Variants in ZP2 observed in about 807,000 individuals in gnomAD.
The protein encoded by ZP2 is zona pellucida sperm-binding protein 2.
Under a neutral mutation model 84.0 loss-of-function variants are expected in ZP2, and 51 were observed. The observed-to-expected ratio is 0.61, with a 90% CI of 0.49 to 0.77. The LOEUF is 0.77. ZP2 is among the 30% of genes least tolerant of loss of function. The pLI, the probability that ZP2 is intolerant of heterozygous loss-of-function variation, is 0.00. For synonymous variants in ZP2, 375 were observed against 330.9 expected (o/e 1.13, Z -1.45); for missense variants, 909 against 911.9 (o/e 1.00, Z 0.04).
rs755478821 is a variant in ZP2 at position 21,202,162 on chromosome 16, T to G, written c.1229A>C (p.Gln410Pro). Residue 410 changes from glutamine to proline, a missense_variant, in exon 11 of 19, where the codon CAG becomes CCG. Transcript: ENST00000574091. ...NSSCQPVFEA[Q>P]SQGLVRFHIP... ...GTGGAACCGTACCAGCCCCTGAGACTGAGCCTCAAAGACAGGCTGGCAGGA... is the reference window on the plus strand; with the variant it reads ...GTGGAACCGTACCAGCCCCTGAGACGGAGCCTCAAAGACAGGCTGGCAGGA... The G allele has an allele frequency of 1.9e-6, 3 of 1,606,068 alleles. No homozygotes were observed. In the African/African-American group the frequency reaches 4.0e-5, roughly 22 times the overall value.
chr16:21,201,490 A>G lies in ZP2; in HGVS notation c.1573T>C (p.Tyr525His), dbSNP rs1229722986. Residue 525 changes from tyrosine to histidine, a missense_variant, in exon 14 of 19, where the codon TAC (tyrosine) becomes CAC (histidine). Physicochemically the swap from Tyr to His is moderately conservative, Grantham distance 83. Coordinates refer to ENST00000574091, the MANE Select transcript of ZP2 (RefSeq NM_001376232.1). ...CTGTTTAGGACTCTCACTTCCATGT[A>G]AATTGGTTGGCGGAGGAATCTCACT... is the stretch of plus-strand genomic sequence containing the variant. ...PLVRFLRQPI[Y>H]MEVRVLNRDD... The G allele has an allele frequency of 1.2e-6, 2 of 1,613,840 alleles. No homozygotes were observed. The highest frequency in any genetic ancestry group is 2.2e-5 in the East Asian group (1 of 44,874).
upstream of ZP2, among the ~76,000 whole-genome samples, chr16:21,213,670 T>A (rs2093282524): frequency 6.6e-6 from 1 of 152,136 alleles, no homozygotes; most frequent in African/African-American, 2.4e-5. Context: ...AAATCTGTGG[T>A]GGCCAGTGGT....
At chr16:21,214,056 G>T (rs763947632), upstream of ZP2, among the ~76,000 whole-genome samples, 3 of 151,904 alleles carry the variant, frequency 2.0e-5, no homozygotes, top group Admixed American at 2.0e-4. Flanking sequence ...TTTCTCCAGA[G>T]CGGGAAGTTT....
intron 5 of ZP2, 123 bp from the exon 6 acceptor site, chr16:21,205,898 A>AAATTTTAAAAAT: frequency 1.1e-6 from 1 of 891,522 alleles, no homozygotes; most frequent in Non-Finnish European, 1.8e-6. Context: ...TGGAAGAAGC[A>AAATTTTAAAAAT]CATGAACCCT....
chr16:21,209,893 G>A (rs1229122443), intron 3 of ZP2, 168 bp from the exon 4 acceptor site: 16 of 716,202 alleles, frequency 2.2e-5, no homozygotes, highest in Non-Finnish European at 3.1e-5. Context: ...CTTGCAGCCA[G>A]AGGCTTCCCA....
intron 7 of ZP2, 114 bp downstream of exon 7, chr16:21,205,306 G>A (rs546452564): frequency 8.0e-7 from 1 of 1,255,552 alleles, no homozygotes; most frequent in Admixed American, 2.2e-5. Flanking sequence ...GCACTTAATA[G>A]GCATTAAAAT....
chr16:21,200,708 C>A (rs2093221087), intron 14 of ZP2, among the ~76,000 whole-genome samples: 1 of 152,164 alleles, frequency 6.6e-6, no homozygotes, highest in African/African-American at 2.4e-5. Flanking sequence ...ATTTAGGCAG[C>A]AAGCTGGGGT....
chr16:21,204,724 T>C (rs548254356), intron 7 of ZP2, among the ~76,000 whole-genome samples: 13 of 152,354 alleles, frequency 8.5e-5, no homozygotes, highest in Non-Finnish European at 1.9e-4. Context: ...TTTGTGTTCT[T>C]ACTGGGAGAT....
At chr16:21,206,464 G>C (rs2093250090) in intron 5 of ZP2, among the ~76,000 whole-genome samples, 1 of 152,190 alleles carries the variant, frequency 6.6e-6, no homozygotes, top group Non-Finnish European at 1.5e-5. Context: ...CCATGAAGAT[G>C]TGACTGGGTC....
At position 21,207,780 on chromosome 16, in the gene ZP2, C is replaced by T. The variant is rs184340129; in HGVS notation, c.331-790G>A. On this transcript the variant is annotated intron_variant, in intron 4 of 18. Coordinates refer to ENST00000574091, the MANE Select transcript of ZP2 (RefSeq NM_001376232.1). Reference sequence around the variant, plus strand: ...CATAGGGTAGGGGATTGCTTGAGTCCGGGAGGTAGAGGTTGCAGTGAGCCG... The same window carrying T: ...CATAGGGTAGGGGATTGCTTGAGTCTGGGAGGTAGAGGTTGCAGTGAGCCG... Among the ~76,000 whole-genome samples the T allele has an allele frequency of 9.2e-5, 14 of 152,046 alleles. No individual in the cohort carries two copies. The East Asian group carries it at 9.6e-4, about 10-fold the overall frequency.
upstream of ZP2, chr16:21,211,730 G>T: frequency 6.7e-7 from 1 of 1,498,576 alleles, no homozygotes; most frequent in Non-Finnish European, 8.9e-7. Flanking sequence ...CTTGCGCCGG[G>T]TATTCTGCCA....
chr16:21,212,804 G>C (rs996780248), upstream of ZP2, among the ~76,000 whole-genome samples: 3 of 152,182 alleles, frequency 2.0e-5, no homozygotes, highest in Non-Finnish European at 2.9e-5. Flanking sequence ...TCCCAGTGGG[G>C]AAACTGAGGC....
In ZP2 at chr16:21,197,489, T is replaced by G; in HGVS notation, c.2229A>C (p.Ser743=). The G allele has an allele frequency of 3.7e-6, 6 of 1,614,166 alleles. No individual in the cohort carries two copies. The highest frequency in any genetic ancestry group is 5.1e-6 in the Non-Finnish European group (6 of 1,180,008). ...TTATTTAGAAGCCCATTTAGTGATT[T>G]GACACAGTCCTTTTCTCGTACAGGT... ...IYYLYEKRTV[S]NH The change falls in exon 19 of 19, where the codon TCA becomes TCC. Residue 743 remains serine (S), a synonymous_variant. Coordinates refer to ENST00000574091, the MANE Select transcript of ZP2 (RefSeq NM_001376232.1).
At chr16:21,199,989 A>G (rs759986214) in intron 14 of ZP2, 111 bp from the exon 15 acceptor site, 11 of 1,370,490 alleles carry the variant, frequency 8.0e-6, no homozygotes, top group Admixed American at 1.9e-5. Context: ...TGCCATATTT[A>G]CCTTCTACCA....
Position 21,199,658 on chromosome 16 carries a change from G to A in ZP2, c.1839C>T (p.Phe613=), listed in dbSNP as rs763258073. The change falls in exon 16 of 19, where the codon TTC becomes TTT. Residue 613 remains phenylalanine, a synonymous_variant. Transcript: ENST00000574091. ...EAHVLSSLVY[F]HCSALICNRL... is the part of the protein sequence containing the mutation. ...GATTACAGATTAAGGCACTGCAGTGGAAGTAGACCTGGAGACAGAAGAGAG... is the reference window on the plus strand; with the variant it reads ...GATTACAGATTAAGGCACTGCAGTGAAAGTAGACCTGGAGACAGAAGAGAG... The A allele has an allele frequency of 6.2e-7, 1 of 1,613,698 alleles. No homozygotes were observed. The highest frequency in any genetic ancestry group is 1.1e-5 in the South Asian group (1 of 90,958).
chr16:21,201,765 G>A lies in ZP2; in HGVS notation c.1445C>T (p.Thr482Ile), dbSNP rs757115279. 1.5e-5 allele frequency: 25 copies of A among 1,614,006 alleles called. No homozygotes were observed. In the South Asian group the frequency reaches 2.0e-4, roughly 13 times the overall value. ...MLLNINVESL[T>I]PPVASVKLGP... ...CAACTTCACTGAGGCCACTGGAGGA[G>A]TAAGGCTTTCAACGTTGATGTTTAG... Residue 482 changes from threonine (T) to isoleucine (I), a missense_variant, in exon 13 of 19, where the codon ACT becomes ATT. Physicochemically the swap from Thr to Ile is moderately conservative, Grantham distance 89. Coordinates refer to ENST00000574091, the MANE Select transcript of ZP2 (RefSeq NM_001376232.1).
At chr16:21,212,078 C>T (rs534683210), upstream of ZP2, among the ~76,000 whole-genome samples, 6 of 152,186 alleles carry the variant, frequency 3.9e-5, no homozygotes, top group African/African-American at 1.2e-4. Context: ...CAGGTGCACG[C>T]CACCACACCT....
rs758938301 is a variant in ZP2, at chr16:21,205,492, G to T, written c.621C>A (p.Phe207Leu). The change falls in exon 7 of 19, where the codon TTC (phenylalanine) becomes TTA (leucine). Residue 207 changes from phenylalanine (F) to leucine (L), a missense_variant. Physicochemically the swap from Phe to Leu is conservative, Grantham distance 22. Coordinates refer to ENST00000574091, the MANE Select transcript of ZP2 (RefSeq NM_001376232.1). ...LTLPEAMKEGFSLLIDNHRMT... is the reference protein window; with the variant it reads ...LTLPEAMKEGLSLLIDNHRMT... Reference sequence around the variant, plus strand: ...TCCTGTGGTTGTCAATCAAGAGGCTGAAGCCTTCCTTCATGGCCTCTGGCA... The same window carrying T: ...TCCTGTGGTTGTCAATCAAGAGGCTTAAGCCTTCCTTCATGGCCTCTGGCA... 1 of 1,614,096 alleles carries T rather than the reference G, an allele frequency of 6.2e-7. No homozygotes were observed. The highest frequency in any genetic ancestry group is 8.5e-7 in the Non-Finnish European group (1 of 1,180,002).
At chr16:21,203,333 A>T in intron 9 of ZP2, 82 bp from the exon 10 acceptor site, 8 of 1,571,752 alleles carry the variant, frequency 5.1e-6, no homozygotes, top group Non-Finnish European at 6.9e-6. Context: ...CAAGTCCACT[A>T]AATACTTGCA....
Sources: allele counts gnomAD v4.1 joint callset (sites outside exome capture counted in the v4.1 genomes callset), GRCh38; gene constraint gnomAD v4.1.1; transcripts MANE v1.5; gene names NCBI Gene and HGNC (gene_info 2026-07-23, HGNC 2026-07-21).